MPPED2: variants seen among roughly 807,000 people sequenced by gnomAD.
MPPED2 encodes metallophosphoesterase MPPED2.
MPPED2 carries 5 observed loss-of-function variants against 33.0 expected under a neutral mutation model. That is an observed-to-expected ratio of 0.15 (90% CI 0.08 to 0.32). The LOEUF (loss-of-function observed/expected upper bound fraction) is 0.32. Ranked by LOEUF, MPPED2 falls within the 10% of genes least tolerant of loss-of-function variation. The probability of loss-of-function intolerance (pLI) is 1.00; values close to 1 mark genes in which losing one functional copy is unlikely to be tolerated. For synonymous variants in MPPED2, 136 were observed against 141.9 expected (o/e 0.96, Z 0.29); for missense variants, 275 against 372.1 (o/e 0.74, Z 2.15).
chr11:30,510,302 C>T (rs1953084002), intron 3 of MPPED2, among the ~76,000 whole-genome samples: 1 of 152,112 alleles, frequency 6.6e-6, no homozygotes, highest in East Asian at 1.9e-4. Flanking sequence ...CTGTGTCTAG[C>T]TACTGTTCTT....
chr11:30,529,227 G>A (rs1954373005), intron 3 of MPPED2, among the ~76,000 whole-genome samples: 1 of 152,074 alleles, frequency 6.6e-6, no homozygotes, highest in Non-Finnish European at 1.5e-5. Flanking sequence ...TCCTGCTATT[G>A]AGGATATTAT....
At position 30,472,361 on chromosome 11, in the gene MPPED2, G is replaced by GAAT. The variant is rs35857172; in HGVS notation, c.536+22932_536+22934dup. Among the ~76,000 whole-genome samples the GAAT allele has an allele frequency of 1.2e-3, 188 of 150,844 alleles. 1 individual carries two copies. Among genetic ancestry groups the GAAT allele is most frequent in the Admixed American group, 3.7e-3 (56 of 15,172 alleles). ...AGGCAACAGAACAAGGGCCTGTCTC[G>GAAT]AATAATAATAATAATAATAATAATT... On this transcript the variant is annotated intron_variant, in intron 4 of 6. Transcript: ENST00000358117.
At chr11:30,521,972 G>A (rs1028121973) in intron 3 of MPPED2, among the ~76,000 whole-genome samples, 1 of 152,174 alleles carries the variant, frequency 6.6e-6, no homozygotes, top group Non-Finnish European at 1.5e-5. Flanking sequence ...CACACCTAGT[G>A]TGGTGTCTTG....
At chr11:30,471,166 G>C (rs777966457) in intron 4 of MPPED2, among the ~76,000 whole-genome samples, 8 of 152,070 alleles carry the variant, frequency 5.3e-5, no homozygotes, top group Admixed American at 2.0e-4. Flanking sequence ...CTTGTCTTGG[G>C]TCTTTCTTTC....
intron 6 of MPPED2, among the ~76,000 whole-genome samples, chr11:30,401,174 A>G (rs1318950344): frequency 1.3e-5 from 2 of 152,220 alleles, no homozygotes; most frequent in East Asian, 3.8e-4. Flanking sequence ...TCAGTAGAGA[A>G]GATTGTGACT....
At chr11:30,463,703 C>T (rs924175503) in intron 4 of MPPED2, among the ~76,000 whole-genome samples, 4 of 152,166 alleles carry the variant, frequency 2.6e-5, no homozygotes, top group Non-Finnish European at 5.9e-5. Flanking sequence ...ATCAAAATCT[C>T]TAAAGCCATA....
Position 30,498,065 on chromosome 11 carries a change from G to A in MPPED2, c.311-2544C>T, listed in dbSNP as rs78553336. 2.1e-3 allele frequency among the ~76,000 whole-genome samples: 272 copies of A among 130,008 alleles called. 2 individuals carry two copies. The highest frequency in any genetic ancestry group is 9.0e-3 in the African/African-American group (252 of 28,028). 85.3% of individuals were successfully genotyped at this position (130,008 alleles called of 152,430 possible). On this transcript the variant is annotated intron_variant, in intron 3 of 6. Transcript: ENST00000358117. Reference sequence around the variant, plus strand: ...TCTCCTGTTACTTGACGGCATTTTCGTTGTTTTTTTTTTTCCAGACTAGAT... The same window carrying A: ...TCTCCTGTTACTTGACGGCATTTTCATTGTTTTTTTTTTTCCAGACTAGAT...
intron 3 of MPPED2, among the ~76,000 whole-genome samples, chr11:30,532,243 G>A (rs1332204540): frequency 3.9e-5 from 6 of 152,098 alleles, no homozygotes; most frequent in Admixed American, 6.5e-5. Flanking sequence ...AATTATCTGC[G>A]AAACCGTGGA....
chr11:30,432,145 G>A (rs1225638902), intron 4 of MPPED2, among the ~76,000 whole-genome samples: 1 of 149,618 alleles, frequency 6.7e-6, no homozygotes, highest in Admixed American at 6.7e-5. Flanking sequence ...CTCCAGCATG[G>A]GGGATAGAGC....
intron 4 of MPPED2, among the ~76,000 whole-genome samples, chr11:30,440,864 T>TG: frequency 6.6e-6 from 1 of 152,234 alleles, no homozygotes. Flanking sequence ...GAAATACCAT[T>TG]ACTACCATGT....
chr11:30,545,347 G>C (rs968295910), intron 2 of MPPED2, among the ~76,000 whole-genome samples: 1 of 152,054 alleles, frequency 6.6e-6, no homozygotes, highest in Non-Finnish European at 1.5e-5. Flanking sequence ...GAATGTGAAG[G>C]CAACAGGAAA....
At chr11:30,493,509 G>A (rs895283604) in intron 4 of MPPED2, among the ~76,000 whole-genome samples, 4 of 151,978 alleles carry the variant, frequency 2.6e-5, no homozygotes, top group South Asian at 2.1e-4. Flanking sequence ...GAAGGACTGG[G>A]GTACTTTTCT....
chr11:30,542,746 G>A (rs1955197228), intron 2 of MPPED2, among the ~76,000 whole-genome samples: 1 of 152,080 alleles, frequency 6.6e-6, no homozygotes, highest in Non-Finnish European at 1.5e-5. Context: ...TCCATGCTCT[G>A]GAAAACACTG....
intron 4 of MPPED2, among the ~76,000 whole-genome samples, chr11:30,482,325 A>G (rs754270051): frequency 5.9e-5 from 9 of 152,194 alleles, no homozygotes; most frequent in Non-Finnish European, 1.3e-4. Context: ...CTTACTGCTA[A>G]ATATAAGAAG....
chr11:30,492,250 A>G (rs1952018324), intron 4 of MPPED2, among the ~76,000 whole-genome samples: 1 of 152,134 alleles, frequency 6.6e-6, no homozygotes, highest in South Asian at 2.1e-4. Flanking sequence ...CTGAGGACCA[A>G]AATCATTCCC....
intron 3 of MPPED2, among the ~76,000 whole-genome samples, chr11:30,512,905 G>A (rs368470738): frequency 2.2e-4 from 33 of 152,224 alleles, no homozygotes; most frequent in African/African-American, 7.9e-4. Flanking sequence ...GGAGGCTGAG[G>A]TGGAAGAATA....
At chr11:30,405,138 A>AC (rs1238354172) in intron 6 of MPPED2, among the ~76,000 whole-genome samples, 8 of 152,226 alleles carry the variant, frequency 5.3e-5, no homozygotes, top group African/African-American at 1.9e-4. Context: ...TTGCTACCTA[A>AC]ACATGATAGC....
At chr11:30,507,184 T>C (rs1952876017) in intron 3 of MPPED2, among the ~76,000 whole-genome samples, 1 of 152,240 alleles carries the variant, frequency 6.6e-6, no homozygotes, top group Non-Finnish European at 1.5e-5. Context: ...TGGCTTATAT[T>C]GGAAAGTGTA....
chr11:30,475,160 A>G (rs1951124828), intron 4 of MPPED2, among the ~76,000 whole-genome samples: 2 of 152,204 alleles, frequency 1.3e-5, no homozygotes, highest in South Asian at 2.1e-4. Flanking sequence ...AGTGACTGAT[A>G]TAAATTTATC....
Sources: allele counts gnomAD v4.1 joint callset (sites outside exome capture counted in the v4.1 genomes callset), GRCh38; gene constraint gnomAD v4.1.1; transcripts MANE v1.5; gene names NCBI Gene and HGNC (gene_info 2026-07-23, HGNC 2026-07-21).